Variants in UBXN7 observed in about 807,000 individuals in gnomAD.
UBXN7 encodes UBX domain-containing protein 7.
UBXN7 carries 9 observed loss-of-function variants against 58.0 expected under a neutral mutation model. The ratio of observed to expected loss-of-function variants is 0.16; its 90% confidence interval spans 0.09 to 0.27. The LOEUF (loss-of-function observed/expected upper bound fraction) is 0.27. Among genes scored for constraint, UBXN7 ranks in the 10% least tolerant of loss-of-function variants. The pLI is 1.00. For missense variants in UBXN7, 328 were observed against 599.6 expected, an observed-to-expected ratio of 0.55 and a Z score of 4.73; for synonymous variants, 208 against 205.0, an observed-to-expected ratio of 1.01 and a Z score of -0.12.
In UBXN7 at chr3:196,352,621, CAAG is replaced by C. The variant is rs1408265440; in HGVS notation, c.*4061_*4063del. 5 of 152,182 alleles carry C rather than the reference CAAG, an allele frequency of 3.3e-5. No individual in the cohort carries two copies. The East Asian group carries it at 9.7e-4, about 29-fold the overall frequency. 9.4% of individuals were successfully genotyped at this position (152,182 alleles called of 1,614,324 possible). On this transcript the variant is annotated 3_prime_UTR_variant, in exon 11 of 11. Transcript: ENST00000296328. This position sits in a 1 kb window ranked among gnomAD's most constrained non-coding sequence, Gnocchi z 4.1. ...AATAGCTAATTGTTGACTTGTAAGT[CAAG>C]GAAGTAGAATTATATACAAGATTTA... is the stretch of plus-strand genomic sequence containing the variant.
At chr3:196,394,661 A>G (rs955654861) in intron 3 of UBXN7, among the ~76,000 whole-genome samples, 1 of 152,142 alleles carries the variant, frequency 6.6e-6, no homozygotes, top group Middle Eastern at 3.2e-3. Flanking sequence ...GGAAGAAAGA[A>G]GATTTTGAGG....
chr3:196,417,678 G>C (rs1408556976), intron 1 of UBXN7, among the ~76,000 whole-genome samples: 7 of 136,868 alleles, frequency 5.1e-5, no homozygotes, highest in African/African-American at 1.9e-4. Flanking sequence ...CGAGGCAGAC[G>C]GACTGCTTGA....
intron 10 of UBXN7, among the ~76,000 whole-genome samples, chr3:196,361,316 T>C (rs760631373): frequency 2.6e-5 from 4 of 152,320 alleles, no homozygotes; most frequent in Non-Finnish European, 5.9e-5. Context: ...GAAAGTGATT[T>C]CTGGAGATGG....
At chr3:196,403,403 C>T (rs1730053476) in intron 2 of UBXN7, among the ~76,000 whole-genome samples, 1 of 152,142 alleles carries the variant, frequency 6.6e-6, no homozygotes, top group Middle Eastern at 3.2e-3. Context: ...CTCAAGCAAT[C>T]CACCCACCTC....
At chr3:196,367,013 T>C (rs1380755327) in intron 8 of UBXN7, among the ~76,000 whole-genome samples, 1 of 151,832 alleles carries the variant, frequency 6.6e-6, no homozygotes, top group Non-Finnish European at 1.5e-5. Context: ...CGAAACCCCA[T>C]CTCTACTAAA....
intron 1 of UBXN7, among the ~76,000 whole-genome samples, chr3:196,422,474 T>TA (rs1730719248): frequency 1.3e-5 from 2 of 151,418 alleles, no homozygotes; most frequent in African/African-American, 4.9e-5. Context: ...AATGAGATCT[T>TA]GTCTCAAAAG....
Position 196,356,653 on chromosome 3 carries a change from A to C in UBXN7, c.*32T>G. The C allele has an allele frequency of 6.4e-7, 1 of 1,556,084 alleles. No homozygotes were observed. The highest frequency in any genetic ancestry group is 8.6e-7 in the Non-Finnish European group (1 of 1,158,390). On this transcript the variant is annotated 3_prime_UTR_variant, in exon 11 of 11. Transcript: ENST00000296328. ...TGTATCTCACAGGAAAAGGGAAAAA[A>C]GGGGTAAGCTGAGAGAGGTCAAGCC...
At position 196,347,832 on chromosome 3, in the gene UBXN7, C is replaced by G. The variant is rs1254278067; in HGVS notation, c.*8853G>C. ...TTCAAAAGACTTATCGTCCCACTCC[C>G]TTCCCTCCCCCACCCCATTGTCCCC... On this transcript the variant is annotated 3_prime_UTR_variant, in exon 11 of 11. Transcript: ENST00000296328. 1 of 151,560 alleles carries G rather than the reference C, an allele frequency of 6.6e-6. No individual in the cohort carries two copies. The highest frequency in any genetic ancestry group is 1.5e-5 in the Non-Finnish European group (1 of 67,936). 9.4% of individuals were successfully genotyped at this position (151,560 alleles called of 1,614,324 possible).
At chr3:196,372,512 T>C (rs1470173868) in intron 5 of UBXN7, among the ~76,000 whole-genome samples, 1 of 151,924 alleles carries the variant, frequency 6.6e-6, no homozygotes, top group African/African-American at 2.4e-5. Flanking sequence ...TGGCTGATTT[T>C]TGTATTTTTA....
chr3:196,363,875 A>G (rs1403711854), intron 8 of UBXN7, among the ~76,000 whole-genome samples: 1 of 151,544 alleles, frequency 6.6e-6, no homozygotes, highest in East Asian at 1.9e-4. Flanking sequence ...GTTGCCAGAG[A>G]TTGCGCCACT....
intron 1 of UBXN7, among the ~76,000 whole-genome samples, chr3:196,417,278 C>CTCCA (rs1730526550): frequency 1.3e-5 from 2 of 152,182 alleles, no homozygotes; most frequent in African/African-American, 4.8e-5. Flanking sequence ...CGCGACTGCA[C>CTCCA]TCCAGCCTGG....
At chr3:196,357,784 G>C (rs1430387925) in intron 10 of UBXN7, among the ~76,000 whole-genome samples, 1 of 152,118 alleles carries the variant, frequency 6.6e-6, no homozygotes, top group Admixed American at 6.5e-5. Context: ...TTGAACCTGG[G>C]AGGCTGAGGT....
rs1052908376 is a variant in UBXN7, at chr3:196,388,344, T to A, written c.468+3469A>T. On this transcript the variant is annotated intron_variant, in intron 5 of 10. Transcript: ENST00000296328. ...GAGGGATAGCATTAGGAGAAATACC[T>A]AATGTAAATGAGTTGATGGGTGCAG... 2.4e-4 allele frequency among the ~76,000 whole-genome samples: 36 copies of A among 151,494 alleles called. 1 individual carries two copies. Among genetic ancestry groups the A allele is most frequent in the Middle Eastern group, 3.4e-3 (1 of 294 alleles).
At chr3:196,393,410 G>T in intron 4 of UBXN7, 144 bp downstream of exon 4, 2 of 702,298 alleles carry the variant, frequency 2.8e-6, no homozygotes, top group Non-Finnish European at 2.3e-6. Context: ...TTAGCTCAGG[G>T]GAGAATTAAT....
intron 8 of UBXN7, among the ~76,000 whole-genome samples, chr3:196,367,286 G>T (rs1431246614): frequency 6.6e-6 from 1 of 151,886 alleles, no homozygotes; most frequent in African/African-American, 2.4e-5. Flanking sequence ...CTGTATCTTT[G>T]CAAGTTCAGT....
chr3:196,428,406 T>C (rs1232952226), intron 1 of UBXN7, among the ~76,000 whole-genome samples: 2 of 150,792 alleles, frequency 1.3e-5, no homozygotes, highest in Non-Finnish European at 2.9e-5. Flanking sequence ...CAAGCTATAA[T>C]TGTGCCACTG....
intron 7 of UBXN7, among the ~76,000 whole-genome samples, chr3:196,368,604 T>A (rs1428165148): frequency 6.6e-6 from 1 of 152,210 alleles, no homozygotes; most frequent in African/African-American, 2.4e-5. Context: ...AGAAGTCACA[T>A]CAATTATACT....
Position 196,416,283 on chromosome 3 carries a change from T to C in UBXN7, c.74-8890A>G, listed in dbSNP as rs140532488. ...GGTGGAACTCCATCTCTACAAAAAT[T>C]ACCCGGGCACGATGGTGGGTGCGTG... On this transcript the variant is annotated intron_variant, in intron 1 of 10. Coordinates refer to ENST00000296328, the MANE Select transcript of UBXN7 (RefSeq NM_015562.2). 1,026 of 152,064 alleles carry C rather than the reference T, an allele frequency of 6.7e-3. 5 individuals are homozygous for C. The highest frequency in any genetic ancestry group is 0.011 in the Non-Finnish European group (731 of 68,000). 9.4% of individuals were successfully genotyped at this position (152,064 alleles called of 1,614,324 possible). A position where few individuals can be genotyped will look rare whatever the true frequency, so the allele number is the denominator to read the frequency against.
At chr3:196,385,555 A>C (rs1006099191) in intron 5 of UBXN7, among the ~76,000 whole-genome samples, 8 of 149,844 alleles carry the variant, frequency 5.3e-5, no homozygotes, top group Non-Finnish European at 1.2e-4. Context: ...CTGAGATGTG[A>C]AGAGCGCCTC....
Sources: gnomAD v4.1 joint callset for allele counts (sites outside exome capture counted in the v4.1 genomes callset) on GRCh38, gnomAD v4.1.1 for gene constraint, Gnocchi (gnomAD v3.1) non-coding constraint, MANE v1.5 for transcripts, NCBI Gene and HGNC (gene_info 2026-07-23, HGNC 2026-07-21) for gene names.